The following ERC2 variants were observed in gnomAD, a reference collection of about 807,000 sequenced individuals.
The protein encoded by ERC2 is ERC protein 2.
A neutral mutation model predicts 114.8 loss-of-function variants in ERC2; 42 were observed. The observed-to-expected ratio is 0.37, with a 90% confidence interval of 0.29 to 0.47. The LOEUF (loss-of-function observed/expected upper bound fraction) is 0.47. Among genes scored for constraint, ERC2 ranks in the 20% least tolerant of loss-of-function variants. ERC2 has a pLI of 0.99. For missense variants in ERC2, 939 were observed against 1,150.7 expected, an observed-to-expected ratio of 0.82 and a Z score of 2.66; for synonymous variants, 454 against 425.5, an observed-to-expected ratio of 1.07 and a Z score of -0.82.
chr3:55,744,709 C>T (rs1043035497), intron 14 of ERC2, among the ~76,000 whole-genome samples: 1 of 152,220 alleles, frequency 6.6e-6, no homozygotes, highest in Admixed American at 6.5e-5. Flanking sequence ...CTGCTCCCAC[C>T]CTGTGGAGTG....
At chr3:55,806,651 C>A (rs61131462) in intron 14 of ERC2, among the ~76,000 whole-genome samples, 9,872 of 152,164 alleles carry the variant, frequency 0.065, 507 homozygotes, top group African/African-American at 0.14. Context: ...GCCAGGGATG[C>A]TACTAAGCAT....
chr3:56,079,094 T>A (rs2077108206), intron 7 of ERC2, among the ~76,000 whole-genome samples: 1 of 151,944 alleles, frequency 6.6e-6, no homozygotes, highest in Admixed American at 6.6e-5. Context: ...GTTCTGTCAA[T>A]AGGAACATAA....
At chr3:56,127,615 C>T (rs2079949079) in intron 6 of ERC2, among the ~76,000 whole-genome samples, 2 of 151,290 alleles carry the variant, frequency 1.3e-5, no homozygotes. Context: ...CCCAGCTACT[C>T]GGGAGGCTGA....
At chr3:56,146,536 AT>A (rs1210200097) in intron 5 of ERC2, among the ~76,000 whole-genome samples, 1 of 152,180 alleles carries the variant, frequency 6.6e-6, no homozygotes, top group African/African-American at 2.4e-5. Context: ...GTCAAGTTAA[AT>A]ATAGCACTTA....
chr3:55,986,671 G>T (rs568995291), intron 11 of ERC2, among the ~76,000 whole-genome samples: 6 of 151,932 alleles, frequency 3.9e-5, no homozygotes, highest in Non-Finnish European at 8.8e-5. Context: ...ATTTTTTTCA[G>T]TCAGAAATAC....
intron 15 of ERC2, among the ~76,000 whole-genome samples, chr3:55,717,568 C>T (rs1228838464): frequency 6.6e-6 from 1 of 152,092 alleles, no homozygotes; most frequent in Non-Finnish European, 1.5e-5. Context: ...CTAACTTTGT[C>T]CCTGAATAAG....
At chr3:56,190,488 C>G (rs2083915723) in intron 3 of ERC2, among the ~76,000 whole-genome samples, 1 of 152,144 alleles carries the variant, frequency 6.6e-6, no homozygotes, top group Non-Finnish European at 1.5e-5. Context: ...GGCTAGAGTA[C>G]AGTGGTGCAA....
chr3:56,348,887 G>A (rs926940549), intron 2 of ERC2, among the ~76,000 whole-genome samples: 51 of 49,504 alleles, frequency 1.0e-3, no homozygotes, highest in African/African-American at 3.3e-3. Context: ...AAGGAAGGAA[G>A]GAAGGAAGGA....
intron 14 of ERC2, among the ~76,000 whole-genome samples, chr3:55,827,057 A>C (rs961737579): frequency 6.6e-6 from 1 of 152,202 alleles, no homozygotes; most frequent in South Asian, 2.1e-4. Context: ...TGGCTGCCTT[A>C]ACAAAAGGAA....
intron 3 of ERC2, chr3:56,185,323 T>C (rs1184368096): frequency 6.6e-6 from 1 of 152,218 alleles, no homozygotes; most frequent in African/African-American, 2.4e-5. Context: ...AGTGGCTCCA[T>C]CTTACCTTCC....
At chr3:56,170,597 T>TTTTG (rs2082595316) in intron 4 of ERC2, among the ~76,000 whole-genome samples, 1 of 140,524 alleles carries the variant, frequency 7.1e-6, no homozygotes, top group East Asian at 2.0e-4. Context: ...TTTTTTTTTT[T>TTTTG]TTTTTTTTTT....
chr3:55,694,896 TG>T (rs2062849779), intron 16 of ERC2, among the ~76,000 whole-genome samples: 2 of 152,300 alleles, frequency 1.3e-5, no homozygotes, highest in African/African-American at 4.8e-5. Flanking sequence ...TTAAGTTGGC[TG>T]GGGTGTGGAC....
intron 3 of ERC2, among the ~76,000 whole-genome samples, chr3:56,222,799 A>G (rs2050002315): frequency 6.6e-6 from 1 of 152,244 alleles, no homozygotes; most frequent in South Asian, 2.1e-4. Context: ...TCTTGTTTCT[A>G]TGGGTCACAA....
chr3:56,019,083 CA>C (rs2073527297), intron 7 of ERC2, 52 bp from the exon 8 acceptor site: 1 of 1,390,534 alleles, frequency 7.2e-7, no homozygotes, highest in Non-Finnish European at 9.8e-7. Context: ...TATCCTAGGC[CA>C]AAATTCCTGA....
intron 13 of ERC2, among the ~76,000 whole-genome samples, chr3:55,904,259 A>T (rs2064303693): frequency 6.6e-6 from 1 of 152,184 alleles, no homozygotes; most frequent in South Asian, 2.1e-4. Flanking sequence ...TCATATTTTA[A>T]TGGCCAGAGT....
At chr3:56,144,459 C>T (rs1176586554) in intron 5 of ERC2, among the ~76,000 whole-genome samples, 1 of 152,186 alleles carries the variant, frequency 6.6e-6, no homozygotes, top group Non-Finnish European at 1.5e-5. Context: ...ACTGATTCAT[C>T]TGAAATTGAC....
chr3:56,016,658 T>C (rs1560028634), intron 8 of ERC2, among the ~76,000 whole-genome samples: 2 of 152,046 alleles, frequency 1.3e-5, no homozygotes, highest in Non-Finnish European at 2.9e-5. Flanking sequence ...CTGGTAATTC[T>C]GAAGTAACAG....
At chr3:55,839,311 G>A (rs1483934590) in intron 14 of ERC2, among the ~76,000 whole-genome samples, 2 of 151,674 alleles carry the variant, frequency 1.3e-5, no homozygotes, top group African/African-American at 4.8e-5. Flanking sequence ...TTCACTAGTA[G>A]ATCTGCACCA....
At chr3:55,635,392 TTC>T (rs1225325826) in intron 17 of ERC2, among the ~76,000 whole-genome samples, 3 of 152,010 alleles carry the variant, frequency 2.0e-5, no homozygotes, top group African/African-American at 7.2e-5. Context: ...ATGATTTTTT[TTC>T]TTTCTTTTTT....
Sources: gnomAD v4.1 joint callset for allele counts (sites outside exome capture counted in the v4.1 genomes callset) on GRCh38, gnomAD v4.1.1 for gene constraint, MANE v1.5 for transcripts, NCBI Gene and HGNC (gene_info 2026-07-23, HGNC 2026-07-21) for gene names.